The following SREBF2 variants were observed in gnomAD, a reference collection of about 807,000 sequenced individuals.
SREBF2 encodes sterol regulatory element-binding protein 2.
Under a neutral mutation model 113.1 loss-of-function variants are expected in SREBF2, and 55 were observed. The observed-to-expected ratio is 0.49, with a 90% CI of 0.39 to 0.61. The LOEUF (loss-of-function observed/expected upper bound fraction) is 0.61, where lower values mean the gene tolerates loss of function less well. Ranked by LOEUF, SREBF2 falls within the 20% of genes least tolerant of loss-of-function variation. The pLI is 0.00. For missense variants in SREBF2, 1,349 were observed against 1,487.4 expected, an observed-to-expected ratio of 0.91 and a Z score of 1.53; for synonymous variants, 593 against 605.7, an observed-to-expected ratio of 0.98 and a Z score of 0.31.
chr22:41,863,695 A>T (rs1445278777), intron 1 of SREBF2, among the ~76,000 whole-genome samples: 1 of 152,136 alleles, frequency 6.6e-6, no homozygotes, highest in Non-Finnish European at 1.5e-5. Context: ...TAGTGTCAAG[A>T]TGTTGGTAAA....
At chr22:41,888,560 T>G (rs929426239) in intron 11 of SREBF2, among the ~76,000 whole-genome samples, 1 of 152,214 alleles carries the variant, frequency 6.6e-6, no homozygotes, top group Admixed American at 6.5e-5. Flanking sequence ...TCTTCCAGAT[T>G]TAGTGACTAA....
Position 41,873,874 on chromosome 22 carries a change from A to C in SREBF2, c.944A>C (p.Gln315Pro). 6.2e-7 allele frequency: 1 copy of C among 1,613,950 alleles called. No individual in the cohort carries two copies. Among genetic ancestry groups the C allele is most frequent in the Non-Finnish European group, 8.5e-7 (1 of 1,179,946 alleles). The change falls in exon 5 of 19, where the codon CAG (glutamine) becomes CCG (proline). Residue 315 changes from glutamine (Q) to proline (P), a missense_variant. Coordinates refer to ENST00000361204, the MANE Select transcript of SREBF2 (RefSeq NM_004599.4). ...MMGQEKVPIK[Q>P]VPGGVKQLEP... ...GGGCAAGAGAAAGTGCCCATTAAGC[A>C]GGTACCTGGGGGAGTCAAGCAGCTT...
At chr22:41,863,562 C>T (rs1314877612) in intron 1 of SREBF2, among the ~76,000 whole-genome samples, 2 of 152,048 alleles carry the variant, frequency 1.3e-5, no homozygotes, top group African/African-American at 4.8e-5. Context: ...TTTAAATGTA[C>T]TGAATTTGAG....
chr22:41,860,499 T>A (rs747442387), intron 1 of SREBF2, among the ~76,000 whole-genome samples: 2 of 152,200 alleles, frequency 1.3e-5, no homozygotes, highest in Non-Finnish European at 2.9e-5. Flanking sequence ...AAAGCATGTA[T>A]AGTGGTCCTT....
At chr22:41,903,253 C>T (rs902946663) in intron 17 of SREBF2, 98 bp downstream of exon 17, 15 of 1,436,516 alleles carry the variant, frequency 1.0e-5, no homozygotes, top group Non-Finnish European at 1.4e-5. Context: ...GTGGAGTTGG[C>T]CCTCTGAGGT....
In SREBF2 at chr22:41,878,008, T is replaced by C; in HGVS notation, c.1646T>C (p.Val549Ala). Reference protein sequence around the residue: ...LLLWLVNGVIVLSVFVKLLVH... With the variant: ...LLLWLVNGVIALSVFVKLLVH... ...TTATGGCTGGTAAATGGTGTGATTGTCCTGAGCGTCTTTGTGAAGCTGCTG... is the reference window on the plus strand; with the variant it reads ...TTATGGCTGGTAAATGGTGTGATTGCCCTGAGCGTCTTTGTGAAGCTGCTG... Residue 549 changes from valine (V) to alanine (A), a missense_variant, in exon 9 of 19, where the codon GTC becomes GCC. Transcript: ENST00000361204. 1 of 1,614,154 alleles carries C rather than the reference T, an allele frequency of 6.2e-7. No homozygotes were observed. Among genetic ancestry groups the C allele is most frequent in the Non-Finnish European group, 8.5e-7 (1 of 1,180,036 alleles).
intron 1 of SREBF2, among the ~76,000 whole-genome samples, chr22:41,834,231 T>TCAAGA (rs1569364480): frequency 1.3e-5 from 2 of 152,164 alleles, no homozygotes; most frequent in African/African-American, 2.4e-5. Flanking sequence ...TTGGTTTTTT[T>TCAAGA]ATACCCCTCC....
intron 15 of SREBF2, chr22:41,899,900 C>T: frequency 9.1e-7 from 1 of 1,096,056 alleles, no homozygotes; most frequent in Middle Eastern, 4.3e-4. Flanking sequence ...TCCCCTTCCA[C>T]TCCCAGTCTC....
chr22:41,833,467 G>T lies in SREBF2; in HGVS notation c.88+109G>T. 2.1e-6 allele frequency: 2 copies of T among 946,462 alleles called. No individual in the cohort carries two copies. The highest frequency in any genetic ancestry group is 3.1e-6 in the Non-Finnish European group (2 of 649,082). 58.6% of individuals were successfully genotyped at this position (946,462 alleles called of 1,614,324 possible). A position where few individuals can be genotyped will look rare whatever the true frequency, so the allele number is the denominator to read the frequency against. On this transcript the variant is annotated intron_variant, in intron 1 of 18. Transcript: ENST00000361204. This position sits in a 1 kb window ranked among gnomAD's most constrained non-coding sequence, Gnocchi z 4.1. ...CCCCCGACAGCCCCGGTTCGCGCGG[G>T]AAGAACCCCGTGCGCACGGTGCCCC...
chr22:41,857,374 G>T (rs1410441717), intron 1 of SREBF2, among the ~76,000 whole-genome samples: 1 of 152,210 alleles, frequency 6.6e-6, no homozygotes, highest in East Asian at 1.9e-4. Flanking sequence ...TTCCTGCAGA[G>T]CTGAGTCCCT....
rs568647637 is a variant in SREBF2, at chr22:41,864,140, A to G, written c.89-2691A>G. ...GTGATCCACCTGCCTTGGCCTCCCAAAGTGCTGGGATTACAAGCATAAGCC... is the reference window on the plus strand; with the variant it reads ...GTGATCCACCTGCCTTGGCCTCCCAGAGTGCTGGGATTACAAGCATAAGCC... On this transcript the variant is annotated intron_variant, in intron 1 of 18. Coordinates refer to ENST00000361204, the MANE Select transcript of SREBF2 (RefSeq NM_004599.4). Among the ~76,000 whole-genome samples the G allele has an allele frequency of 4.8e-5, 7 of 145,934 alleles. No individual in the cohort carries two copies. The South Asian group carries it at 1.3e-3, about 28-fold the overall frequency.
In SREBF2 at chr22:41,885,971, T is replaced by C. The variant is rs1008097327; in HGVS notation, c.2208+960T>C. The stretch of plus-strand genomic sequence containing the variant: ...GAAGGCTGAGAAGTGATACTTTTTA[T>C]GTCTTACCTCTGTTTCTGGTGACTA... On this transcript the variant is annotated intron_variant, in intron 11 of 18. Coordinates refer to ENST00000361204, the MANE Select transcript of SREBF2 (RefSeq NM_004599.4). 2.0e-5 allele frequency: 3 copies of C among 152,256 alleles called. No individual in the cohort carries two copies. The East Asian group carries it at 5.8e-4, about 29-fold the overall frequency. 9.4% of individuals were successfully genotyped at this position (152,256 alleles called of 1,614,324 possible).
At chr22:41,892,111 G>A (rs1026989529) in intron 11 of SREBF2, among the ~76,000 whole-genome samples, 3 of 152,098 alleles carry the variant, frequency 2.0e-5, no homozygotes, top group Non-Finnish European at 2.9e-5. Flanking sequence ...TTCTGTAGGG[G>A]GCCGCCCTTG....
In SREBF2 at chr22:41,857,703, C is replaced by T. The variant is rs1011054089; in HGVS notation, c.89-9128C>T. ...CTTGCCATCCTGTGTCATTCAACAC[C>T]TCCTCCAGACTCTTCGCAGGAAGGT... On this transcript the variant is annotated intron_variant, in intron 1 of 18. Coordinates refer to ENST00000361204, the MANE Select transcript of SREBF2 (RefSeq NM_004599.4). Among the ~76,000 whole-genome samples the T allele has an allele frequency of 1.2e-4, 19 of 152,270 alleles. No individual in the cohort carries two copies. In the South Asian group the frequency reaches 3.7e-3, roughly 30 times the overall value.
At chr22:41,869,340 C>T (rs1162600712) in intron 3 of SREBF2, among the ~76,000 whole-genome samples, 5 of 151,084 alleles carry the variant, frequency 3.3e-5, no homozygotes, top group South Asian at 2.1e-4. Flanking sequence ...GTGATCCACC[C>T]GCCTCGGCCT....
chr22:41,867,338 T>A lies in SREBF2; in HGVS notation c.538+58T>A, dbSNP rs2077092368. ...TGGTTCCAATGTTTATGTGCCAGTTTGCAGACACTGTAAATATTTCTGTCG... is the reference window on the plus strand; with the variant it reads ...TGGTTCCAATGTTTATGTGCCAGTTAGCAGACACTGTAAATATTTCTGTCG... On this transcript the variant is annotated intron_variant, in intron 2 of 18. Coordinates refer to ENST00000361204, the MANE Select transcript of SREBF2 (RefSeq NM_004599.4). 37 of 1,559,822 alleles carry A rather than the reference T, an allele frequency of 2.4e-5. No individual in the cohort carries two copies. The South Asian group carries it at 4.0e-4, about 17-fold the overall frequency.
At position 41,893,162 on chromosome 22, in the gene SREBF2, A is replaced by G. The variant is rs1445473973; in HGVS notation, c.2254A>G (p.Ser752Gly). ...CCAGAGCCTGTGTGGCCCCGAGCAC[A>G]GTGCTGTTCCTGACTCCCTGCGCTG... ...RAQSLCGPEH[S>G]AVPDSLRWLC... Residue 752 changes from serine (S) to glycine (G), a missense_variant, in exon 12 of 19, where the codon AGT (serine) becomes GGT (glycine). Around this residue, in one of 2 missense-constraint regions of SREBF2, gnomAD observed 650 missense variants for 644.1 expected, o/e 1.01. Transcript: ENST00000361204. 6.2e-7 allele frequency: 1 copy of G among 1,614,124 alleles called. No homozygotes were observed.
intron 1 of SREBF2, among the ~76,000 whole-genome samples, chr22:41,849,731 A>G (rs1214140940): frequency 6.6e-6 from 1 of 152,190 alleles, no homozygotes; most frequent in Non-Finnish European, 1.5e-5. Flanking sequence ...AGGAAGGTAT[A>G]CTTGTAAAAT....
At position 41,833,194 on chromosome 22, in the gene SREBF2, A is replaced by C. The variant is rs2076728248; in HGVS notation, c.-77A>C. The C allele has an allele frequency of 6.6e-6, 8 of 1,212,114 alleles. No homozygotes were observed. The highest frequency in any genetic ancestry group is 1.6e-5 in the African/African-American group (1 of 62,928). The allele number at this position is 1,212,114 out of a possible 1,614,324, so 75.1% of individuals were successfully genotyped here. ...TGCCGGGCGGGGGTTGTCGGGTGTC[A>C]TGGGCGGTGGCGACGGCACCGCCCC... is the stretch of plus-strand genomic sequence containing the variant. On this transcript the variant is annotated 5_prime_UTR_variant, in exon 1 of 19. An upstream start codon of the reference 5' UTR is lost. Transcript: ENST00000361204. The surrounding 1 kb of genome is among the most constrained non-coding windows in gnomAD (Gnocchi z 4.1).
Sources: gnomAD v4.1 joint callset for allele counts (sites outside exome capture counted in the v4.1 genomes callset) on GRCh38, gnomAD v4.1.1 for gene constraint, gnomAD v4.1.1 regional missense constraint, Gnocchi (gnomAD v3.1) non-coding constraint, MANE v1.5 for transcripts, NCBI Gene and HGNC (gene_info 2026-07-23, HGNC 2026-07-21) for gene names.